The following ANKRD12 variants were observed in gnomAD, a reference collection of about 807,000 sequenced individuals.
ANKRD12 encodes the protein ankyrin repeat domain 12, also known as ankyrin repeat domain-containing protein 12.
In ANKRD12, 85 loss-of-function variants were observed where a neutral mutation model predicts 183.4. That is an observed-to-expected ratio of 0.46 (90% CI 0.39 to 0.56). The LOEUF is 0.56. ANKRD12 is among the 20% of genes least tolerant of loss of function. The probability of loss-of-function intolerance (pLI) is 0.00; values close to 1 mark genes in which losing one functional copy is unlikely to be tolerated. For missense variants in ANKRD12, 2,405 were observed against 2,357.1 expected, an observed-to-expected ratio of 1.02 and a Z score of -0.42; for synonymous variants, 914 against 800.2, an observed-to-expected ratio of 1.14 and a Z score of -2.40.
intron 8 of ANKRD12, among the ~76,000 whole-genome samples, chr18:9,234,921 A>G (rs9304036): frequency 0.57 from 86,263 of 151,962 alleles, 25,459 homozygotes; most frequent in South Asian, 0.75. Context: ...CCCTGGCCCA[A>G]TATTGAGCCC....
intron 8 of ANKRD12, among the ~76,000 whole-genome samples, chr18:9,224,858 T>C (rs974945175): frequency 6.6e-6 from 1 of 152,212 alleles, no homozygotes; most frequent in Admixed American, 6.5e-5. Flanking sequence ...ATTTTTCTAA[T>C]GATATGGTTA....
At chr18:9,230,810 C>T (rs1312009992) in intron 8 of ANKRD12, among the ~76,000 whole-genome samples, 2 of 151,956 alleles carry the variant, frequency 1.3e-5, no homozygotes, top group South Asian at 2.1e-4. Context: ...AGATGCGTGC[C>T]ATCACACCTG....
At chr18:9,264,877 C>T (rs753795697) in intron 10 of ANKRD12, among the ~76,000 whole-genome samples, 8 of 152,152 alleles carry the variant, frequency 5.3e-5, no homozygotes, top group Non-Finnish European at 1.0e-4. Flanking sequence ...CCAAGATGGC[C>T]GAATAGGAAC....
At chr18:9,275,720 G>A in intron 11 of ANKRD12, 53 bp downstream of exon 11, 1 of 1,431,118 alleles carries the variant, frequency 7.0e-7, no homozygotes, top group Non-Finnish European at 9.3e-7. Context: ...AATGCAACTT[G>A]GCTATTTTTA....
At position 9,204,521 on chromosome 18, in the gene ANKRD12, T is replaced by G; in HGVS notation, c.281T>G (p.Ile94Arg). The change falls in exon 4 of 13, where the codon ATA becomes AGA. Residue 94 changes from isoleucine (I) to arginine (R), a missense_variant. This residue lies in a region of ANKRD12 where 145 missense variants were observed against 145.6 expected (regional missense o/e 1.00). Coordinates refer to ENST00000262126, the MANE Select transcript of ANKRD12 (RefSeq NM_015208.5). Reference protein sequence around the residue: ...HTSENWGERLISSYRTYSEKE... With the variant: ...HTSENWGERLRSSYRTYSEKE... ...AGTGAAAATTGGGGGGAGAGACTTA[T>G]ATCTTCTTACAGGACATACTCAGGT... 1 of 1,601,288 alleles carries G rather than the reference T, an allele frequency of 6.2e-7. No individual in the cohort carries two copies. The highest frequency in any genetic ancestry group is 1.3e-5 in the African/African-American group (1 of 74,432).
intron 11 of ANKRD12, among the ~76,000 whole-genome samples, chr18:9,276,377 C>T (rs574468442): frequency 8.5e-5 from 13 of 152,090 alleles, no homozygotes; most frequent in Non-Finnish European, 1.8e-4. Context: ...TTATTTTTCT[C>T]ATCTATAAAA....
At chr18:9,180,890 A>G (rs955690283) in intron 1 of ANKRD12, among the ~76,000 whole-genome samples, 1 of 152,156 alleles carries the variant, frequency 6.6e-6, no homozygotes, top group Non-Finnish European at 1.5e-5. Context: ...CAAAGGAGAC[A>G]TTGTTTTATC....
intron 2 of ANKRD12, among the ~76,000 whole-genome samples, chr18:9,193,269 G>C (rs2034570823): frequency 6.6e-6 from 1 of 151,568 alleles, no homozygotes; most frequent in Admixed American, 6.6e-5. Context: ...CTCCCAAGTA[G>C]CTAGGAACAC....
chr18:9,182,598 C>T (rs188663237), intron 2 of ANKRD12, 79 bp downstream of exon 2: 6 of 964,812 alleles, frequency 6.2e-6, no homozygotes, highest in African/African-American at 5.1e-5. Flanking sequence ...AGTGATTTCT[C>T]GTAAGATAAA....
chr18:9,168,487 AT>A (rs760997368), intron 1 of ANKRD12, among the ~76,000 whole-genome samples: 1 of 151,608 alleles, frequency 6.6e-6, no homozygotes, highest in Non-Finnish European at 1.5e-5. Context: ...TTTCTTCTTG[AT>A]TTTCTAGTTT....
At chr18:9,181,330 G>A (rs2033685262) in intron 1 of ANKRD12, among the ~76,000 whole-genome samples, 1 of 152,080 alleles carries the variant, frequency 6.6e-6, no homozygotes, top group African/African-American at 2.4e-5. Context: ...AGCACCAACG[G>A]GACAGCAGAT....
rs532941348 is a variant in ANKRD12, at chr18:9,280,478, A to G, written c.6004-463A>G. ...CCACAAATAGTTGGTATGTGTGTAC[A>G]AACAGGATAAAACAGAAATGGACTT... On this transcript the variant is annotated intron_variant, in intron 12 of 12. Transcript: ENST00000262126. 3.9e-5 allele frequency among the ~76,000 whole-genome samples: 6 copies of G among 152,290 alleles called. No homozygotes were observed. The East Asian group carries it at 1.2e-3, about 29-fold the overall frequency.
chr18:9,224,887 T>C (rs1283686112), intron 8 of ANKRD12, among the ~76,000 whole-genome samples: 2 of 152,162 alleles, frequency 1.3e-5, no homozygotes, highest in East Asian at 1.9e-4. Flanking sequence ...CTATATACGG[T>C]ATATACCAAA....
At chr18:9,238,436 C>T (rs1159409287) in intron 8 of ANKRD12, among the ~76,000 whole-genome samples, 4 of 152,172 alleles carry the variant, frequency 2.6e-5, no homozygotes, top group African/African-American at 9.7e-5. Context: ...ACCTGGATTT[C>T]CTCAGCAAAA....
At chr18:9,162,719 C>T (rs2031589674) in intron 1 of ANKRD12, among the ~76,000 whole-genome samples, 1 of 152,100 alleles carries the variant, frequency 6.6e-6, no homozygotes, top group Non-Finnish European at 1.5e-5. Flanking sequence ...GCGTCTGTTT[C>T]TGGACTTTTT....
intron 7 of ANKRD12, among the ~76,000 whole-genome samples, chr18:9,219,580 T>C (rs1345129378): frequency 9.9e-5 from 15 of 152,082 alleles, no homozygotes; most frequent in Admixed American, 9.8e-4. Context: ...ACTCCCTCCT[T>C]CACCTCCTCT....
chr18:9,195,606 T>G lies in ANKRD12; in HGVS notation c.143T>G (p.Val48Gly). Residue 48 changes from valine to glycine, a missense_variant, in exon 3 of 13, where the codon GTG (valine) becomes GGG (glycine). Around this residue, in one of 7 missense-constraint regions of ANKRD12, gnomAD observed 145 missense variants for 145.6 expected, o/e 1.00. Transcript: ENST00000262126. Reference sequence around the variant, plus strand: ...ACTCCAAAAATTGAACGAAGTGATGTGAGCAAGGAGATGAAAGAGAAATCA... The same window carrying G: ...ACTCCAAAAATTGAACGAAGTGATGGGAGCAAGGAGATGAAAGAGAAATCA... ...SKTPKIERSD[V>G]SKEMKEKSSM... 2 of 1,612,266 alleles carry G rather than the reference T, an allele frequency of 1.2e-6. No homozygotes were observed. The highest frequency in any genetic ancestry group is 1.7e-6 in the Non-Finnish European group (2 of 1,179,214).
At chr18:9,194,584 T>A (rs750008303) in intron 2 of ANKRD12, among the ~76,000 whole-genome samples, 2 of 152,110 alleles carry the variant, frequency 1.3e-5, no homozygotes, top group African/African-American at 4.8e-5. Context: ...CTCAAACTCC[T>A]GACCTCAGGT....
intron 8 of ANKRD12, 61 bp downstream of exon 8, chr18:9,222,060 T>A: frequency 6.4e-7 from 1 of 1,571,726 alleles, no homozygotes; most frequent in Non-Finnish European, 8.7e-7. Context: ...TAGAACATTC[T>A]GGATTCATTT....
Sources: allele counts gnomAD v4.1 joint callset (sites outside exome capture counted in the v4.1 genomes callset), GRCh38; gene constraint gnomAD v4.1.1; regional missense constraint gnomAD v4.1.1; transcripts MANE v1.5; gene names NCBI Gene and HGNC (gene_info 2026-07-23, HGNC 2026-07-21).